Variants in ECE1 observed in about 807,000 individuals in gnomAD.
ECE1 encodes the protein endothelin-converting enzyme 1.
In ECE1, 35 loss-of-function variants were observed where a neutral mutation model predicts 98.6. That is an observed-to-expected ratio of 0.35 (90% CI 0.27 to 0.47). The LOEUF is 0.47. ECE1 is among the 20% of genes least tolerant of loss of function. The pLI is 1.00. For synonymous variants in ECE1, 394 were observed against 407.1 expected, an observed-to-expected ratio of 0.97 and a Z score of 0.39; for missense variants, 814 against 1,025.3, an observed-to-expected ratio of 0.79 and a Z score of 2.81.
rs899474547 is a variant in ECE1, at chr1:21,219,539, TAAAAA to T, written c.*411_*415del. Reference sequence around the variant, plus strand: ...ATAATAAATATACCAATTCTTTCCTTAAAAAAAAAAGTGTTTAAATGTGTTTTTCC... The same window carrying T: ...ATAATAAATATACCAATTCTTTCCTTAAAAAGTGTTTAAATGTGTTTTTCC... On this transcript the variant is annotated 3_prime_UTR_variant, in exon 19 of 19. Coordinates refer to ENST00000374893, the MANE Select transcript of ECE1 (RefSeq NM_001397.3). The surrounding 1 kb of genome is among the most constrained non-coding windows in gnomAD (Gnocchi z 4.5). 2.6e-5 allele frequency: 5 copies of T among 194,068 alleles called. No homozygotes were observed. The Admixed American group carries it at 2.7e-4, about 11-fold the overall frequency. 12.0% of individuals were successfully genotyped at this position (194,068 alleles called of 1,614,324 possible).
rs1463855207 is a variant in ECE1, at chr1:21,233,105, A to G, written c.1670+453T>C. The G allele has an allele frequency of 1.7e-5, 3 of 176,292 alleles. No individual in the cohort carries two copies. The East Asian group carries it at 4.3e-4, about 25-fold the overall frequency. The allele number at this position is 176,292 out of a possible 1,614,324, so 10.9% of individuals were successfully genotyped here. A position where few individuals can be genotyped will look rare whatever the true frequency, so the allele number is the denominator to read the frequency against. On this transcript the variant is annotated intron_variant, in intron 14 of 18. Coordinates refer to ENST00000374893, the MANE Select transcript of ECE1 (RefSeq NM_001397.3). This position sits in a 1 kb window ranked among gnomAD's most constrained non-coding sequence, Gnocchi z 4.0. ...TGTGGGCTCCCTGTCCTGAGATCCC[A>G]CCATTCGTGGTAGTGAGGAACAATG... is the stretch of plus-strand genomic sequence containing the variant.
chr1:21,271,850 C>T (rs1444811324), intron 4 of ECE1, among the ~76,000 whole-genome samples: 2 of 151,958 alleles, frequency 1.3e-5, no homozygotes, highest in South Asian at 2.1e-4. Context: ...CGTGCAAGCC[C>T]GATCACCGTG....
At chr1:21,244,897 G>C (rs1358697944) in intron 10 of ECE1, 92 bp downstream of exon 10, 5 of 1,233,598 alleles carry the variant, frequency 4.1e-6, no homozygotes, top group Non-Finnish European at 4.8e-6. Context: ...CCCACCCCCA[G>C]CTGGCTGAGG....
At chr1:21,306,291 G>A (rs568880918) in intron 1 of ECE1, among the ~76,000 whole-genome samples, 2 of 151,872 alleles carry the variant, frequency 1.3e-5, no homozygotes, top group African/African-American at 4.8e-5. Context: ...CATTTATTGA[G>A]TGCTTACTGT....
At chr1:21,284,621 G>A (rs910767503) in intron 2 of ECE1, among the ~76,000 whole-genome samples, 10 of 152,216 alleles carry the variant, frequency 6.6e-5, no homozygotes, top group East Asian at 1.9e-4. Context: ...GCCCTAATCC[G>A]GGACACATAT....
intron 4 of ECE1, among the ~76,000 whole-genome samples, chr1:21,271,257 C>T (rs1264587404): frequency 6.6e-6 from 1 of 152,172 alleles, no homozygotes; most frequent in African/African-American, 2.4e-5. Context: ...GGCGGCTCTG[C>T]TCTGTGGGGC....
intron 1 of ECE1, among the ~76,000 whole-genome samples, chr1:21,304,241 G>A (rs1395942626): frequency 2.0e-5 from 3 of 150,468 alleles, no homozygotes; most frequent in Non-Finnish European, 3.0e-5. Flanking sequence ...GCGTGAACCC[G>A]GGAGGCGGAG....
In ECE1 at chr1:21,258,596, CA is replaced by C; in HGVS notation, c.762+96del. ...GAAACTAGAAGACCGCCGTCCCACC[CA>C]GGGCAAGCCCCTCTCCCACCCCAGG... is the stretch of plus-strand genomic sequence containing the variant. On this transcript the variant is annotated intron_variant, in intron 6 of 18. Coordinates refer to ENST00000374893, the MANE Select transcript of ECE1 (RefSeq NM_001397.3). The surrounding 1 kb of genome is among the most constrained non-coding windows in gnomAD (Gnocchi z 4.2). 1 of 1,238,086 alleles carries C rather than the reference CA, an allele frequency of 8.1e-7. No homozygotes were observed. The highest frequency in any genetic ancestry group is 1.1e-6 in the Non-Finnish European group (1 of 870,950). The allele number at this position is 1,238,086 out of a possible 1,614,324, so 76.7% of individuals were successfully genotyped here.
chr1:21,298,805 A>T (rs1558421836), intron 1 of ECE1: 1 of 455,850 alleles, frequency 2.2e-6, no homozygotes, highest in Non-Finnish European at 4.4e-6. Context: ...CTTCTAACCC[A>T]CCCTGCCTCA....
At chr1:21,239,897 G>T (rs2098193828) in intron 10 of ECE1, among the ~76,000 whole-genome samples, 1 of 152,048 alleles carries the variant, frequency 6.6e-6, no homozygotes. Context: ...GAGGCCAAGT[G>T]TGGTGGCTCA....
rs771219479 is a variant in ECE1 at position 21,290,198 on chromosome 1, T to G, written c.52-42A>C. 4.0e-6 allele frequency: 6 copies of G among 1,485,014 alleles called. No homozygotes were observed. In the Admixed American group the frequency reaches 1.2e-4, roughly 29 times the overall value. 92.0% of individuals were successfully genotyped at this position (1,485,014 alleles called of 1,614,324 possible). On this transcript the variant is annotated intron_variant, in intron 1 of 18. Transcript: ENST00000374893. The surrounding 1 kb of genome is among the most constrained non-coding windows in gnomAD (Gnocchi z 7.3). The stretch of plus-strand genomic sequence containing the variant: ...AGCACGGACTCCCTCAGCGCCTCCA[T>G]GGCTCTCGCGCCCGAATGGGGAAGC...
intron 8 of ECE1, among the ~76,000 whole-genome samples, chr1:21,255,464 A>G (rs969842534): frequency 6.6e-6 from 1 of 152,184 alleles, no homozygotes; most frequent in African/African-American, 2.4e-5. Context: ...CACAGATCTA[A>G]CGCCCTGTTG....
At chr1:21,236,982 C>T (rs2098189111) in intron 11 of ECE1, 138 bp from the exon 12 acceptor site, 2 of 854,922 alleles carry the variant, frequency 2.3e-6, no homozygotes, top group Non-Finnish European at 3.9e-6. Context: ...AGGGGAGCCA[C>T]AGCTGTGCTT....
At chr1:21,325,476 C>T (rs1639057996) in intron 1 of ECE1, among the ~76,000 whole-genome samples, 1 of 152,228 alleles carries the variant, frequency 6.6e-6, no homozygotes, top group Non-Finnish European at 1.5e-5. Flanking sequence ...GGCTTCTCAT[C>T]CTCTTTTGCT....
Position 21,290,349 on chromosome 1 carries a change from C to T in ECE1, c.51+15G>A. 8.2e-7 allele frequency: 1 copy of T among 1,226,764 alleles called. No homozygotes were observed. The highest frequency in any genetic ancestry group is 1.0e-6 in the Non-Finnish European group (1 of 987,560). The allele number at this position is 1,226,764 out of a possible 1,614,324, so 76.0% of individuals were successfully genotyped here. On this transcript the variant is annotated intron_variant, in intron 1 of 18. Coordinates refer to ENST00000374893, the MANE Select transcript of ECE1 (RefSeq NM_001397.3). This position sits in a 1 kb window ranked among gnomAD's most constrained non-coding sequence, Gnocchi z 7.3. ...CCGCCTCCCGCCCCCGCCCTCCAGG[C>T]CGCGCCCGCCTCACCCCCAGCGCCG...
intron 1 of ECE1, among the ~76,000 whole-genome samples, chr1:21,339,342 C>G (rs1004714658): frequency 2.0e-5 from 3 of 152,210 alleles, no homozygotes; most frequent in Non-Finnish European, 4.4e-5. Context: ...GCTACCGGCT[C>G]AACAGTCCTA....
chr1:21,296,355 A>G (rs377566415), intron 1 of ECE1, among the ~76,000 whole-genome samples: 2 of 150,396 alleles, frequency 1.3e-5, no homozygotes, highest in South Asian at 2.1e-4. Context: ...CAAAAAATTT[A>G]AAAAAAAAAT....
intron 1 of ECE1, among the ~76,000 whole-genome samples, chr1:21,303,169 CCAGGGCAATCCCAG>C (rs1638524667): frequency 6.6e-6 from 1 of 152,238 alleles, no homozygotes; most frequent in Non-Finnish European, 1.5e-5. Flanking sequence ...AGTGCCCGAG[CCAGGGCAATCCCAG>C]CAGGGTGGGG....
chr1:21,318,815 T>C (rs1022116807), intron 1 of ECE1, among the ~76,000 whole-genome samples: 2 of 152,038 alleles, frequency 1.3e-5, no homozygotes, highest in Admixed American at 6.6e-5. Context: ...GGGAGGGGAT[T>C]TGCAGCAAGA....
Sources: gnomAD v4.1 joint callset for allele counts (sites outside exome capture counted in the v4.1 genomes callset) on GRCh38, gnomAD v4.1.1 for gene constraint, Gnocchi (gnomAD v3.1) non-coding constraint, MANE v1.5 for transcripts, NCBI Gene and HGNC (gene_info 2026-07-23, HGNC 2026-07-21) for gene names.